VSTM2B: variants seen among roughly 807,000 people sequenced by gnomAD.
VSTM2B encodes V-set and transmembrane domain containing 2B, also known as V-set and transmembrane domain-containing protein 2B.
VSTM2B carries 24 observed loss-of-function variants against 24.0 expected under a neutral mutation model. The observed-to-expected ratio is 1.00, with a 90% CI of 0.72 to 1.40. The LOEUF is 1.40. Ranked by LOEUF, VSTM2B falls within the 40% of genes most tolerant of loss-of-function variation. The pLI, the probability that VSTM2B is intolerant of heterozygous loss-of-function variation, is 0.00. For synonymous variants in VSTM2B, 226 were observed against 194.4 expected (o/e 1.16, Z -1.35); for missense variants, 399 against 416.4 (o/e 0.96, Z 0.36).
At chr19:29,532,773 G>A (rs1328048324) in intron 4 of VSTM2B, among the ~76,000 whole-genome samples, 1 of 152,220 alleles carries the variant, frequency 6.6e-6, no homozygotes, top group East Asian at 1.9e-4. Flanking sequence ...AGGAGAGGAT[G>A]GGCAGATAAA....
At chr19:29,535,788 A>T (rs1205601005) in intron 4 of VSTM2B, among the ~76,000 whole-genome samples, 2 of 152,152 alleles carry the variant, frequency 1.3e-5, no homozygotes, top group Admixed American at 6.5e-5. Flanking sequence ...CAGCAGTACC[A>T]GCAGGCCCAG....
rs997502483 is a variant in VSTM2B at position 29,530,113 on chromosome 19, G to A, written c.592G>A (p.Gly198Ser). ...ASRTTSEPGR[G>S]DKSPPPGSPP... is the part of the protein sequence containing the mutation. ...CCGTACCACCTCCGAGCCCGGCCGC[G>A]GCGACAAGAGCCCGCCGCCCGGGAG... Residue 198 changes from glycine (G) to serine (S), a missense_variant, in exon 4 of 5, where the codon GGC becomes AGC. Coordinates refer to ENST00000335523, the MANE Select transcript of VSTM2B (RefSeq NM_001146339.2). 3 of 1,445,500 alleles carry A rather than the reference G, an allele frequency of 2.1e-6. No individual in the cohort carries two copies. The highest frequency in any genetic ancestry group is 1.4e-5 in the South Asian group (1 of 72,620). 89.5% of individuals were successfully genotyped at this position (1,445,500 alleles called of 1,614,324 possible).
chr19:29,549,636 G>A (rs376018315), intron 4 of VSTM2B, among the ~76,000 whole-genome samples: 22 of 152,076 alleles, frequency 1.4e-4, no homozygotes, highest in African/African-American at 4.8e-4. Context: ...GACCCCTGAC[G>A]CTGGCCTCAG....
intron 2 of VSTM2B, among the ~76,000 whole-genome samples, chr19:29,527,763 G>A (rs190069862): frequency 6.6e-6 from 1 of 152,050 alleles, no homozygotes; most frequent in Non-Finnish European, 1.5e-5. Flanking sequence ...CTGCCACTTT[G>A]AGGACCCCAG....
At chr19:29,527,151 G>A (rs1392724484) in intron 1 of VSTM2B, 60 bp from the exon 2 acceptor site, 4 of 1,450,052 alleles carry the variant, frequency 2.8e-6, no homozygotes, top group East Asian at 2.6e-5. Context: ...CCTCGCTTTA[G>A]GTTGCCCCAG....
At chr19:29,557,485 G>A (rs1970436668) in intron 4 of VSTM2B, among the ~76,000 whole-genome samples, 1 of 152,160 alleles carries the variant, frequency 6.6e-6, no homozygotes, top group Non-Finnish European at 1.5e-5. Flanking sequence ...ATCACCTGAG[G>A]TCAGGAGTTC....
rs1254490325 is a variant in VSTM2B at position 29,533,059 on chromosome 19, GA to G, written c.769+2770del. On this transcript the variant is annotated intron_variant, in intron 4 of 4. Transcript: ENST00000335523. ...ATCTCCAGTCTCGGTGCTGGCCATG[GA>G]GGCTGAATGAGAGAGTGAAGATGCT... Among the ~76,000 whole-genome samples the G allele has an allele frequency of 7.2e-5, 11 of 152,300 alleles. No homozygotes were observed. The South Asian group carries it at 2.1e-3, about 29-fold the overall frequency.
intron 4 of VSTM2B, among the ~76,000 whole-genome samples, chr19:29,556,185 A>G (rs1249189411): frequency 6.6e-6 from 1 of 152,216 alleles, no homozygotes; most frequent in Non-Finnish European, 1.5e-5. Context: ...TGGCACACCA[A>G]ATCTAGAGGC....
At chr19:29,563,513 G>C (rs550720343) in intron 4 of VSTM2B, among the ~76,000 whole-genome samples, 1 of 152,100 alleles carries the variant, frequency 6.6e-6, no homozygotes, top group Non-Finnish European at 1.5e-5. Context: ...AAAGTGTTGG[G>C]ATTACAGGCA....
chr19:29,564,131 A>C lies in VSTM2B; in HGVS notation c.*197A>C. The C allele has an allele frequency of 9.4e-6, 5 of 530,324 alleles. No individual in the cohort carries two copies. Among genetic ancestry groups the C allele is most frequent in the Non-Finnish European group, 1.4e-5 (4 of 295,832 alleles). 32.9% of individuals were successfully genotyped at this position (530,324 alleles called of 1,614,324 possible). On this transcript the variant is annotated 3_prime_UTR_variant, in exon 5 of 5. Transcript: ENST00000335523. ...AAATAATGCATCTAGTTTCCAAATA[A>C]TTTGGAGTTTGGCCCATGCAGTCTG...
chr19:29,529,723 T>C, intron 3 of VSTM2B, 96 bp from the exon 4 acceptor site: 1 of 1,224,682 alleles, frequency 8.2e-7, no homozygotes, highest in Non-Finnish European at 1.2e-6. Context: ...CCGGGAAGTG[T>C]TGGGGTGCGC....
At position 29,526,543 on chromosome 19, in the gene VSTM2B, C is replaced by G; in HGVS notation, c.-41C>G. The G allele has an allele frequency of 6.8e-7, 1 of 1,479,218 alleles. No homozygotes were observed. The highest frequency in any genetic ancestry group is 9.0e-7 in the Non-Finnish European group (1 of 1,114,464). The allele number at this position is 1,479,218 out of a possible 1,614,324, so 91.6% of individuals were successfully genotyped here. On this transcript the variant is annotated 5_prime_UTR_variant, in exon 1 of 5. Transcript: ENST00000335523. The surrounding 1 kb of genome is among the most constrained non-coding windows in gnomAD (Gnocchi z 4.1). ...CCGAGCCCACGCGGCCGCCGCCTCT[C>G]CGCTCCCGGGCCCCCGCCGCCACCG... is the stretch of plus-strand genomic sequence containing the variant.
chr19:29,558,224 G>A (rs1021435341), intron 4 of VSTM2B, among the ~76,000 whole-genome samples: 8 of 152,142 alleles, frequency 5.3e-5, no homozygotes, highest in Admixed American at 3.9e-4. Flanking sequence ...ATGCTGGAAA[G>A]GCTGTGGGGA....
chr19:29,530,407 C>G, intron 4 of VSTM2B, 117 bp downstream of exon 4: 2 of 889,050 alleles, frequency 2.2e-6, no homozygotes, highest in Non-Finnish European at 3.1e-6. Context: ...TTTGCATATG[C>G]ATACTCCTTC....
At chr19:29,531,343 G>A (rs964533281) in intron 4 of VSTM2B, among the ~76,000 whole-genome samples, 1 of 152,198 alleles carries the variant, frequency 6.6e-6, no homozygotes, top group East Asian at 1.9e-4. Context: ...TTGGGTACAG[G>A]TGCATGTGAA....
chr19:29,533,870 C>T (rs1048088581), intron 4 of VSTM2B, among the ~76,000 whole-genome samples: 4 of 152,238 alleles, frequency 2.6e-5, no homozygotes, highest in African/African-American at 4.8e-5. Context: ...TTGCTCGGAA[C>T]CACAGCAGCC....
At chr19:29,535,439 G>A (rs190859067) in intron 4 of VSTM2B, among the ~76,000 whole-genome samples, 27 of 152,312 alleles carry the variant, frequency 1.8e-4, no homozygotes, top group African/African-American at 6.5e-4. Context: ...CAGGGCTCTG[G>A]CTCCAAGGAA....
chr19:29,533,033 G>C (rs1969797268), intron 4 of VSTM2B, among the ~76,000 whole-genome samples: 1 of 152,162 alleles, frequency 6.6e-6, no homozygotes. Flanking sequence ...TAGCCAGTCT[G>C]ATCTCCAGTC....
At chr19:29,528,815 G>A (rs908744021) in intron 3 of VSTM2B, 61 of 790,226 alleles carry the variant, frequency 7.7e-5, no homozygotes, top group Middle Eastern at 1.3e-3. Context: ...GCGGCTGCTC[G>A]CCCTCGCCGC....
Sources: allele counts gnomAD v4.1 joint callset (sites outside exome capture counted in the v4.1 genomes callset), GRCh38; gene constraint gnomAD v4.1.1; non-coding constraint Gnocchi (gnomAD v3.1); transcripts MANE v1.5; gene names NCBI Gene and HGNC (gene_info 2026-07-23, HGNC 2026-07-21).